Variants in FHOD3 observed in about 807,000 individuals in gnomAD.
FHOD3 encodes the protein FH1/FH2 domain-containing protein 3.
In FHOD3, 90 loss-of-function variants were observed where a neutral mutation model predicts 173.0. The observed-to-expected ratio is 0.52, with a 90% confidence interval of 0.44 to 0.62. The LOEUF is 0.62. FHOD3 is among the 20% of genes least tolerant of loss of function. FHOD3 has a pLI of 0.00. For missense variants in FHOD3, 1,945 were observed against 2,034.7 expected, an observed-to-expected ratio of 0.96 and a Z score of 0.85; for synonymous variants, 828 against 823.0, an observed-to-expected ratio of 1.01 and a Z score of -0.10.
intron 5 of FHOD3, among the ~76,000 whole-genome samples, chr18:36,530,643 G>GT (rs1488480767): frequency 6.6e-6 from 1 of 152,180 alleles, no homozygotes; most frequent in Admixed American, 6.5e-5. Flanking sequence ...TAATATCCAG[G>GT]TTTTTTGAGT....
At chr18:36,333,569 C>T (rs571657690) in intron 1 of FHOD3, among the ~76,000 whole-genome samples, 2 of 152,358 alleles carry the variant, frequency 1.3e-5, no homozygotes, top group South Asian at 2.1e-4. Flanking sequence ...CAGTCCACCA[C>T]GTTTACACAA....
At chr18:36,709,767 G>A (rs764118778) in intron 18 of FHOD3, 39 of 179,040 alleles carry the variant, frequency 2.2e-4, no homozygotes, top group Middle Eastern at 2.4e-3. Context: ...GGCTTTTTCC[G>A]TTTTTGATAT....
chr18:36,590,259 T>C (rs550762536), intron 6 of FHOD3, among the ~76,000 whole-genome samples: 2 of 152,314 alleles, frequency 1.3e-5, no homozygotes, highest in Admixed American at 6.5e-5. Flanking sequence ...GAGCAGTGTC[T>C]TTGGACTTGG....
chr18:36,598,512 C>T (rs1244654749), intron 7 of FHOD3, among the ~76,000 whole-genome samples: 1 of 151,716 alleles, frequency 6.6e-6, no homozygotes, highest in Non-Finnish European at 1.5e-5. Flanking sequence ...TAAAGTCCAG[C>T]GTAAGGAGTG....
intron 3 of FHOD3, among the ~76,000 whole-genome samples, chr18:36,448,059 T>C (rs1007056238): frequency 1.3e-5 from 2 of 152,116 alleles, no homozygotes; most frequent in African/African-American, 4.8e-5. Context: ...ATGAAACAAA[T>C]GTATAAAAAT....
At chr18:36,755,085 G>T in intron 24 of FHOD3, 34 bp from the exon 25 acceptor site, 1 of 1,401,500 alleles carries the variant, frequency 7.1e-7, no homozygotes, top group Non-Finnish European at 9.5e-7. Flanking sequence ...TTCTTAAAAC[G>T]GAAGTCATTG....
chr18:36,748,313 C>G (rs2042238227), intron 24 of FHOD3, among the ~76,000 whole-genome samples: 1 of 151,866 alleles, frequency 6.6e-6, no homozygotes. Flanking sequence ...TGGTTTGGCC[C>G]TCCATGCTTT....
intron 28 of FHOD3, among the ~76,000 whole-genome samples, chr18:36,777,189 C>A (rs2043727240): frequency 6.8e-6 from 1 of 146,606 alleles, no homozygotes; most frequent in Admixed American, 6.9e-5. Flanking sequence ...ACTACTTCTT[C>A]TTCTTTTTCT....
At chr18:36,307,225 G>A (rs182510180) in intron 1 of FHOD3, among the ~76,000 whole-genome samples, 24 of 152,198 alleles carry the variant, frequency 1.6e-4, no homozygotes, top group African/African-American at 5.8e-4. Flanking sequence ...GCCTCCCAAA[G>A]TGCTGGGATT....
chr18:36,681,383 G>A, intron 14 of FHOD3, 53 bp from the exon 15 acceptor site: 3 of 1,608,404 alleles, frequency 1.9e-6, no homozygotes, highest in Non-Finnish European at 2.6e-6. Context: ...GCTTACTTCA[G>A]TACTTTTAAT....
chr18:36,666,012 A>C (rs906440803), intron 14 of FHOD3, among the ~76,000 whole-genome samples: 3 of 152,242 alleles, frequency 2.0e-5, no homozygotes, highest in African/African-American at 7.2e-5. Context: ...CTGTATGCCA[A>C]AGTCAGGGCC....
At chr18:36,347,830 T>A (rs2045942709) in intron 1 of FHOD3, among the ~76,000 whole-genome samples, 1 of 152,246 alleles carries the variant, frequency 6.6e-6, no homozygotes, top group African/African-American at 2.4e-5. Context: ...AAGTGTTACT[T>A]GTATTTTTAA....
chr18:36,472,975 A>G (rs998755648), intron 3 of FHOD3, among the ~76,000 whole-genome samples: 10 of 152,226 alleles, frequency 6.6e-5, no homozygotes, highest in Non-Finnish European at 1.5e-4. Context: ...TACAACAGGT[A>G]AGATTCTACA....
At chr18:36,366,395 G>T (rs967283306) in intron 2 of FHOD3, among the ~76,000 whole-genome samples, 1 of 152,090 alleles carries the variant, frequency 6.6e-6, no homozygotes, top group East Asian at 1.9e-4. Context: ...ATCAACAAGG[G>T]TATTACCTAA....
At chr18:36,597,838 A>T (rs2030727050) in intron 7 of FHOD3, among the ~76,000 whole-genome samples, 1 of 152,146 alleles carries the variant, frequency 6.6e-6, no homozygotes, top group Non-Finnish European at 1.5e-5. Context: ...GCACTAATGA[A>T]AAAACTCAGA....
At chr18:36,353,176 T>C (rs2046211630) in intron 1 of FHOD3, among the ~76,000 whole-genome samples, 1 of 152,224 alleles carries the variant, frequency 6.6e-6, no homozygotes, top group African/African-American at 2.4e-5. Flanking sequence ...AGGATGCTGC[T>C]CAAGAATGCT....
intron 1 of FHOD3, among the ~76,000 whole-genome samples, chr18:36,347,942 C>A (rs531251909): frequency 6.6e-6 from 1 of 152,276 alleles, no homozygotes; most frequent in Non-Finnish European, 1.5e-5. Flanking sequence ...GAAATGAATA[C>A]CACATTCTCA....
intron 18 of FHOD3, among the ~76,000 whole-genome samples, chr18:36,712,531 T>C (rs1449736459): frequency 1.3e-5 from 2 of 151,618 alleles, no homozygotes; most frequent in Non-Finnish European, 2.9e-5. Context: ...AAGAAATGAT[T>C]AGCCAACTCA....
intron 2 of FHOD3, among the ~76,000 whole-genome samples, chr18:36,361,051 T>G (rs927300722): frequency 1.3e-5 from 2 of 152,088 alleles, no homozygotes; most frequent in Non-Finnish European, 2.9e-5. Flanking sequence ...GGAAGAAAGG[T>G]AGACGTTCCC....
Sources: gnomAD v4.1 joint callset for allele counts (sites outside exome capture counted in the v4.1 genomes callset) on GRCh38, gnomAD v4.1.1 for gene constraint, MANE v1.5 for transcripts, NCBI Gene and HGNC (gene_info 2026-07-23, HGNC 2026-07-21) for gene names.